DLG5: variants seen among roughly 807,000 people sequenced by gnomAD.
DLG5 encodes discs large MAGUK scaffold protein 5.
Under a neutral mutation model 189.8 loss-of-function variants are expected in DLG5, and 48 were observed. The ratio of observed to expected loss-of-function variants is 0.25; its 90% confidence interval spans 0.20 to 0.32. The LOEUF (loss-of-function observed/expected upper bound fraction) is 0.32. DLG5 is among the 10% of genes least tolerant of loss of function. The pLI is 1.00. For synonymous variants in DLG5, 1,016 were observed against 1,054.1 expected (o/e 0.96, Z 0.70); for missense variants, 2,160 against 2,544.7 (o/e 0.85, Z 3.25).
At chr10:77,922,301 A>T (rs1846558412) in intron 1 of DLG5, among the ~76,000 whole-genome samples, 1 of 152,042 alleles carries the variant, frequency 6.6e-6, no homozygotes, top group South Asian at 2.1e-4. Flanking sequence ...CAAGGGAAAA[A>T]ACTCAGGTGT....
chr10:77,816,665 T>C lies in DLG5; in HGVS notation c.3911A>G (p.Gln1304Arg). 1.2e-6 allele frequency: 2 copies of C among 1,613,442 alleles called. No homozygotes were observed. The highest frequency in any genetic ancestry group is 1.7e-6 in the Non-Finnish European group (2 of 1,179,656). ...VSHSECSTPP[Q>R]SPLNIDTLSS... ...CAGGGTGTCGATGTTCAGGGGTGACTGTGGAGGAGTGCTGCATTCAGAATG... is the reference window on the plus strand; with the variant it reads ...CAGGGTGTCGATGTTCAGGGGTGACCGTGGAGGAGTGCTGCATTCAGAATG... Residue 1304 changes from glutamine (Q) to arginine (R), a missense_variant, in exon 20 of 32, where the codon CAG becomes CGG. Coordinates refer to ENST00000372391, the MANE Select transcript of DLG5 (RefSeq NM_004747.4).
chr10:77,869,158 G>A lies in DLG5; in HGVS notation c.344C>T (p.Ser115Leu), dbSNP rs1844802113. Residue 115 changes from serine to leucine, a missense_variant, in exon 2 of 32, where the codon TCA becomes TTA. Transcript: ENST00000372391. ...YSVLSTMPSD[S>L]ESSSSLSSVG... ...ACTGCTGAGGGAGCTGCTGCTTTCT[G>A]AGTCTGAGGGCATGGTGGACAGGAC... is the stretch of plus-strand genomic sequence containing the variant. 1 of 1,613,940 alleles carries A rather than the reference G, an allele frequency of 6.2e-7. No homozygotes were observed. The highest frequency in any genetic ancestry group is 1.3e-5 in the African/African-American group (1 of 74,976).
chr10:77,892,914 C>G (rs1224880873), intron 1 of DLG5, among the ~76,000 whole-genome samples: 1 of 152,240 alleles, frequency 6.6e-6, no homozygotes, highest in Non-Finnish European at 1.5e-5. Context: ...ATCTGGAACA[C>G]TGGCTTCCTG....
At chr10:77,916,904 AATATATATATAT>A (rs55841913) in intron 1 of DLG5, among the ~76,000 whole-genome samples, 3 of 129,126 alleles carry the variant, frequency 2.3e-5, no homozygotes, top group Non-Finnish European at 4.8e-5. Flanking sequence ...TAAAATATAG[AATATATATATAT>A]ATATATATAT....
intron 27 of DLG5, among the ~76,000 whole-genome samples, chr10:77,804,517 C>T (rs1241252598): frequency 1.3e-5 from 2 of 152,232 alleles, no homozygotes; most frequent in Non-Finnish European, 2.9e-5. Context: ...AGCTGCCCTA[C>T]ACTCTGCTGC....
intron 2 of DLG5, among the ~76,000 whole-genome samples, chr10:77,860,139 A>C (rs926863894): frequency 2.6e-5 from 4 of 152,226 alleles, no homozygotes; most frequent in Non-Finnish European, 2.9e-5. Flanking sequence ...CCCATTTCAC[A>C]GGTGATAAAC....
intron 9 of DLG5, 39 bp from the exon 10 acceptor site, chr10:77,830,912 G>A (rs1422186728): frequency 6.2e-7 from 1 of 1,608,022 alleles, no homozygotes; most frequent in Non-Finnish European, 8.5e-7. Flanking sequence ...CCCCTTGGGA[G>A]GTGAAACATC....
intron 2 of DLG5, among the ~76,000 whole-genome samples, chr10:77,864,407 A>C (rs532246700): frequency 6.6e-6 from 1 of 152,292 alleles, no homozygotes; most frequent in East Asian, 1.9e-4. Flanking sequence ...CCTCACCTAC[A>C]ACTCAGGACA....
At chr10:77,795,392 G>A (rs562954863) in intron 29 of DLG5, among the ~76,000 whole-genome samples, 9 of 152,178 alleles carry the variant, frequency 5.9e-5, no homozygotes, top group South Asian at 4.2e-4. Flanking sequence ...GTGCAGGCCC[G>A]TGCACTCCCG....
intron 30 of DLG5, among the ~76,000 whole-genome samples, chr10:77,794,483 C>T (rs552139258): frequency 2.0e-5 from 3 of 152,336 alleles, no homozygotes; most frequent in East Asian, 1.9e-4. Flanking sequence ...TGAGCCAGCT[C>T]GGGGCTGAGT....
Position 77,807,591 on chromosome 10 carries a change from A to G in DLG5, c.4796+205T>C, listed in dbSNP as rs147827918. ...GTCTTAAGCCCTAAAGAGGGGGCCC[A>G]GCTGGTTCTTTAAGCCCTAAAGGGT... On this transcript the variant is annotated intron_variant, in intron 25 of 31. Coordinates refer to ENST00000372391, the MANE Select transcript of DLG5 (RefSeq NM_004747.4). Among the ~76,000 whole-genome samples, 262 of 152,324 alleles carry G rather than the reference A, an allele frequency of 1.7e-3. 1 individual carries two copies. The highest frequency in any genetic ancestry group is 2.8e-3 in the Non-Finnish European group (189 of 68,034).
In DLG5 at chr10:77,854,175, A is replaced by C; in HGVS notation, c.680+52T>G. The stretch of plus-strand genomic sequence containing the variant: ...ACTAAGTCCAGAGAAAAGAAGGGCA[A>C]AGGCAGCTGTCTGTGGGTGTTGGAG... On this transcript the variant is annotated intron_variant, in intron 4 of 31. Coordinates refer to ENST00000372391, the MANE Select transcript of DLG5 (RefSeq NM_004747.4). The C allele has an allele frequency of 2.5e-6, 4 of 1,596,986 alleles. No individual in the cohort carries two copies. The South Asian group carries it at 4.5e-5, about 18-fold the overall frequency.
At chr10:77,846,807 A>G in intron 5 of DLG5, 11 of 444,464 alleles carry the variant, frequency 2.5e-5, no homozygotes, top group South Asian at 1.6e-4. Context: ...GGAGGCTGTC[A>G]TTGCCTGAGT....
chr10:77,935,163 G>A, the DLG5 span, among the ~76,000 whole-genome samples: 1 of 152,004 alleles, frequency 6.6e-6, no homozygotes, highest in African/African-American at 2.4e-5. Context: ...GCCTTAAATG[G>A]GTGCTGTTCT....
chr10:77,795,773 G>A (rs1040887215), intron 29 of DLG5, among the ~76,000 whole-genome samples: 2 of 152,154 alleles, frequency 1.3e-5, no homozygotes, highest in Admixed American at 6.5e-5. Flanking sequence ...CCTTTCCGCA[G>A]AGCTCAATAC....
chr10:77,918,797 A>G (rs751273711), intron 1 of DLG5, among the ~76,000 whole-genome samples: 1 of 152,176 alleles, frequency 6.6e-6, no homozygotes, highest in Non-Finnish European at 1.5e-5. Context: ...CACGCAGCTC[A>G]GCCCTCTTTC....
In DLG5 at chr10:77,926,129, C is replaced by A; in HGVS notation, c.304+88G>T. On this transcript the variant is annotated intron_variant, in intron 1 of 31. Coordinates refer to ENST00000372391, the MANE Select transcript of DLG5 (RefSeq NM_004747.4). This position sits in a 1 kb window ranked among gnomAD's most constrained non-coding sequence, Gnocchi z 5.2. ...CCACCGAGGCCATCGCCAGGTGGAG[C>A]GGCGGCCCCGGCGAGGTACCCTCGG... The A allele has an allele frequency of 3.2e-6, 4 of 1,260,404 alleles. No individual in the cohort carries two copies. Among genetic ancestry groups the A allele is most frequent in the Non-Finnish European group, 4.1e-6 (4 of 986,912 alleles). The allele number at this position is 1,260,404 out of a possible 1,614,324, so 78.1% of individuals were successfully genotyped here.
chr10:77,818,236 G>C (rs1350568619), intron 17 of DLG5, among the ~76,000 whole-genome samples: 1 of 152,204 alleles, frequency 6.6e-6, no homozygotes, highest in Non-Finnish European at 1.5e-5. Context: ...CAGGAAGTGG[G>C]TAAGGAGAGA....
At chr10:77,810,954 C>T in intron 23 of DLG5, 140 bp downstream of exon 23, 1 of 1,037,140 alleles carries the variant, frequency 9.6e-7, no homozygotes, top group Admixed American at 2.9e-5. Context: ...TGCCGTGCTC[C>T]CGGCCCAACT....
Sources: gnomAD v4.1 joint callset for allele counts (sites outside exome capture counted in the v4.1 genomes callset) on GRCh38, gnomAD v4.1.1 for gene constraint, Gnocchi (gnomAD v3.1) non-coding constraint, MANE v1.5 for transcripts, NCBI Gene and HGNC (gene_info 2026-07-23, HGNC 2026-07-21) for gene names.